Variants in NBEA observed in about 807,000 individuals in gnomAD.
NBEA encodes neurobeachin.
NBEA carries 44 observed loss-of-function variants against 343.4 expected under a neutral mutation model. The ratio of observed to expected loss-of-function variants is 0.13; its 90% CI spans 0.10 to 0.16. The LOEUF is 0.16. Ranked by LOEUF, NBEA falls within the 10% of genes least tolerant of loss-of-function variation. NBEA has a pLI of 1.00. For missense variants in NBEA, 2,555 were observed against 3,631.3 expected (o/e 0.70, Z 7.62); for synonymous variants, 1,175 against 1,238.7 (o/e 0.95, Z 1.08).
At chr13:35,380,998 AT>A (rs1444658444) in intron 38 of NBEA, among the ~76,000 whole-genome samples, 1 of 152,058 alleles carries the variant, frequency 6.6e-6, no homozygotes, top group Non-Finnish European at 1.5e-5. Flanking sequence ...TTGGTATAGA[AT>A]TTTTTAATAT....
chr13:34,951,402 A>G (rs1479709208), intron 1 of NBEA, among the ~76,000 whole-genome samples: 2 of 152,234 alleles, frequency 1.3e-5, no homozygotes, highest in Non-Finnish European at 2.9e-5. Context: ...TGCTTGGTAT[A>G]TAGTAAACTT....
intron 16 of NBEA, 102 bp from the exon 17 acceptor site, chr13:35,123,379 GA>G (rs1297600641): frequency 3.7e-6 from 2 of 542,216 alleles, no homozygotes; most frequent in African/African-American, 3.9e-5. Context: ...AAAATCTTCA[GA>G]GTTTTATATT....
chr13:35,208,627 T>C, intron 31 of NBEA, 73 bp from the exon 32 acceptor site: 1 of 1,324,406 alleles, frequency 7.6e-7, no homozygotes, highest in Non-Finnish European at 1.0e-6. Flanking sequence ...TGACTATGTA[T>C]ATCTGTTGCA....
intron 47 of NBEA, among the ~76,000 whole-genome samples, chr13:35,598,073 T>C (rs1269893669): frequency 6.6e-6 from 1 of 152,174 alleles, no homozygotes; most frequent in African/African-American, 2.4e-5. Context: ...GAAAATCTGG[T>C]ATCTTGTTGT....
chr13:35,201,369 T>G (rs897727674), intron 31 of NBEA, among the ~76,000 whole-genome samples: 2 of 152,050 alleles, frequency 1.3e-5, no homozygotes, highest in African/African-American at 4.8e-5. Context: ...ATATTGCAAT[T>G]CTCAAATATT....
chr13:35,444,036 A>G (rs369973604), intron 39 of NBEA, among the ~76,000 whole-genome samples: 31 of 152,118 alleles, frequency 2.0e-4, no homozygotes, highest in African/African-American at 7.5e-4. Context: ...TTATTAGGAA[A>G]TGATTGTTAC....
At chr13:35,100,029 T>A (rs1448260766) in intron 11 of NBEA, among the ~76,000 whole-genome samples, 1 of 152,134 alleles carries the variant, frequency 6.6e-6, no homozygotes, top group South Asian at 2.1e-4. Flanking sequence ...AGATCTCAAC[T>A]AAGGGATAAA....
At chr13:35,112,673 A>T (rs1360081342) in intron 13 of NBEA, among the ~76,000 whole-genome samples, 2 of 152,196 alleles carry the variant, frequency 1.3e-5, no homozygotes, top group Non-Finnish European at 2.9e-5. Context: ...TGCACAAAGA[A>T]TTCTCATATG....
chr13:35,649,380 T>C (rs909553560), intron 51 of NBEA, among the ~76,000 whole-genome samples: 24 of 152,318 alleles, frequency 1.6e-4, no homozygotes, highest in African/African-American at 5.8e-4. Context: ...TCACATTGCA[T>C]TGTGGTGATA....
chr13:35,322,070 C>A (rs2038190166), intron 36 of NBEA, among the ~76,000 whole-genome samples: 1 of 152,118 alleles, frequency 6.6e-6, no homozygotes, highest in Admixed American at 6.5e-5. Flanking sequence ...GACCACCTGG[C>A]TTCCTGGCTT....
At position 35,242,650 on chromosome 13, in the gene NBEA, T is replaced by G. The variant is rs1384082750; in HGVS notation, c.5776+10031T>G. Among the ~76,000 whole-genome samples, 5 of 151,998 alleles carry G rather than the reference T, an allele frequency of 3.3e-5. No individual in the cohort carries two copies. The East Asian group carries it at 9.7e-4, about 29-fold the overall frequency. On this transcript the variant is annotated intron_variant, in intron 34 of 58. Transcript: ENST00000379939. ...AATCTCAAAAGAAGCAAGAGAAAAT[T>G]GTACATGTACAATGAGCCTCTATAA... is the stretch of plus-strand genomic sequence containing the variant.
In NBEA at chr13:35,506,582, G is replaced by A. The variant is rs912138267; in HGVS notation, c.6585+34046G>A. ...AACAGCCCAGGGGTCAGGTGGGTTC[G>A]TGTTCTGTCCGTCCCTCACTCATTC... On this transcript the variant is annotated intron_variant, in intron 41 of 58. Coordinates refer to ENST00000379939, the MANE Select transcript of NBEA (RefSeq NM_001385012.1). 9.3e-4 allele frequency among the ~76,000 whole-genome samples: 141 copies of A among 152,092 alleles called. 2 individuals are homozygous for A. Among genetic ancestry groups the A allele is most frequent in the East Asian group, 1.9e-4 (1 of 5,188 alleles).
Position 35,195,979 on chromosome 13 carries a change from A to G in NBEA, c.5043A>G (p.Gln1681=). The G allele has an allele frequency of 6.2e-7, 1 of 1,613,652 alleles. No individual in the cohort carries two copies. Among genetic ancestry groups the G allele is most frequent in the Non-Finnish European group, 8.5e-7 (1 of 1,179,718 alleles). ...CAGATTCAGGAATTGGAGAGGAGCA[A>G]GTGGCTAGCATCCTGAATGGGGCAG... The part of the protein sequence containing the change: ...PHTDSGIGEE[Q]VASILNGAEL... Residue 1681 remains glutamine (Q), a synonymous_variant, in exon 31 of 59, where the codon CAA becomes CAG. Transcript: ENST00000379939.
chr13:35,070,347 T>C (rs1455314343), intron 9 of NBEA, among the ~76,000 whole-genome samples: 1 of 152,092 alleles, frequency 6.6e-6, no homozygotes, highest in Non-Finnish European at 1.5e-5. Flanking sequence ...CCTTTGAAAT[T>C]AAATCAATTA....
At position 35,084,522 on chromosome 13, in the gene NBEA, C is replaced by A. The variant is rs1485273399; in HGVS notation, c.1571+13670C>A. Among the ~76,000 whole-genome samples the A allele has an allele frequency of 2.6e-5, 4 of 152,240 alleles. No homozygotes were observed. In the South Asian group the frequency reaches 8.3e-4, roughly 32 times the overall value. On this transcript the variant is annotated intron_variant, in intron 10 of 58. Coordinates refer to ENST00000379939, the MANE Select transcript of NBEA (RefSeq NM_001385012.1). ...AAACGAAGGTATAAATAAAAATGTT[C>A]TTTGAAACCAACGAGGACAAAGACA...
intron 45 of NBEA, among the ~76,000 whole-genome samples, chr13:35,567,903 A>G (rs1244754392): frequency 5.9e-5 from 9 of 152,216 alleles, no homozygotes; most frequent in African/African-American, 2.2e-4. Context: ...TTAACTCAGC[A>G]TGCCTGCTTC....
At chr13:35,362,768 G>A (rs1414410505) in intron 38 of NBEA, among the ~76,000 whole-genome samples, 1 of 151,910 alleles carries the variant, frequency 6.6e-6, no homozygotes, top group Non-Finnish European at 1.5e-5. Context: ...TTTGATTTCA[G>A]TTTGATATTC....
At chr13:35,002,949 G>A (rs1026919526) in intron 1 of NBEA, among the ~76,000 whole-genome samples, 4 of 152,116 alleles carry the variant, frequency 2.6e-5, no homozygotes, top group Non-Finnish European at 5.9e-5. Flanking sequence ...TGAAGTGTTG[G>A]TTGTGCAAGG....
intron 41 of NBEA, among the ~76,000 whole-genome samples, chr13:35,529,423 T>C (rs1425501023): frequency 6.6e-6 from 1 of 152,218 alleles, no homozygotes; most frequent in East Asian, 1.9e-4. Context: ...GAGCATTGTG[T>C]TTGGCTCTTT....
Sources: allele counts gnomAD v4.1 joint callset (sites outside exome capture counted in the v4.1 genomes callset), GRCh38; gene constraint gnomAD v4.1.1; transcripts MANE v1.5; gene names NCBI Gene and HGNC (gene_info 2026-07-23, HGNC 2026-07-21).